Variants in TRABD2B observed in about 807,000 individuals in gnomAD.
TRABD2B encodes the protein metalloprotease TIKI2.
TRABD2B carries 14 observed loss-of-function variants against 40.1 expected under a neutral mutation model. That is an observed-to-expected ratio of 0.35 (90% CI 0.23 to 0.55). The LOEUF (loss-of-function observed/expected upper bound fraction) is 0.55. Ranked by LOEUF, TRABD2B falls within the 20% of genes least tolerant of loss-of-function variation. The pLI is 0.90. For synonymous variants in TRABD2B, 263 were observed against 277.0 expected (o/e 0.95, Z 0.50); for missense variants, 541 against 648.6 (o/e 0.83, Z 1.80).
intron 2 of TRABD2B, among the ~76,000 whole-genome samples, chr1:47,880,944 C>T (rs1304910100): frequency 1.3e-5 from 2 of 152,122 alleles, no homozygotes; most frequent in Admixed American, 6.5e-5. Context: ...AGCAATCCAG[C>T]GGGGAGGAGT....
Position 47,996,041 on chromosome 1 carries a change from A to G in TRABD2B, c.102+647T>C, listed in dbSNP as rs1646086132. Among the ~76,000 whole-genome samples, 1 of 152,246 alleles carries G rather than the reference A, an allele frequency of 6.6e-6. No individual in the cohort carries two copies. Among genetic ancestry groups the G allele is most frequent in the African/African-American group, 2.4e-5 (1 of 41,466 alleles). On this transcript the variant is annotated intron_variant, in intron 1 of 6. Coordinates refer to ENST00000606738, the MANE Select transcript of TRABD2B (RefSeq NM_001194986.2). This position sits in a 1 kb window ranked among gnomAD's most constrained non-coding sequence, Gnocchi z 4.6. ...TTTTGGAAGGAATATTAGGAGAACC[A>G]GTAATTACTCGACCCCAAGAAATAT... is the stretch of plus-strand genomic sequence containing the variant.
At chr1:47,847,055 G>A (rs1645482041) in intron 2 of TRABD2B, among the ~76,000 whole-genome samples, 1 of 152,134 alleles carries the variant, frequency 6.6e-6, no homozygotes, top group Admixed American at 6.5e-5. Flanking sequence ...CTCCCCACTG[G>A]AGCATCTGGA....
intron 2 of TRABD2B, among the ~76,000 whole-genome samples, chr1:47,820,777 ACACAC>A (rs1645096026): frequency 1.2e-5 from 1 of 81,664 alleles, no homozygotes; most frequent in East Asian, 3.4e-4. Context: ...AGAAGTTCAC[ACACAC>A]CACACACACA....
chr1:47,820,825 A>C (rs1028240598), intron 2 of TRABD2B, among the ~76,000 whole-genome samples: 11 of 144,440 alleles, frequency 7.6e-5, no homozygotes, highest in Admixed American at 5.7e-4. Flanking sequence ...CACACACAAA[A>C]TCTTACTTAC....
intron 2 of TRABD2B, among the ~76,000 whole-genome samples, chr1:47,983,835 C>T (rs1161184714): frequency 6.6e-6 from 1 of 151,254 alleles, no homozygotes; most frequent in Non-Finnish European, 1.5e-5. Flanking sequence ...GGAACGCGGT[C>T]GTGCATGTGA....
rs1645160433 is a variant in TRABD2B at position 47,825,316 on chromosome 1, C to T, written c.667-23697G>A. Among the ~76,000 whole-genome samples the T allele has an allele frequency of 2.0e-5, 3 of 152,344 alleles. 1 individual carries two copies. The highest frequency in any genetic ancestry group is 2.0e-4 in the Admixed American group (3 of 15,308). ...ACAAATCCAACAGCACTGCCTTGCT[C>T]CAAAGCCCCGTGTGGCTCCCACTGC... On this transcript the variant is annotated intron_variant, in intron 2 of 6. Coordinates refer to ENST00000606738, the MANE Select transcript of TRABD2B (RefSeq NM_001194986.2).
chr1:47,877,215 G>A (rs1644238360), intron 2 of TRABD2B, among the ~76,000 whole-genome samples: 1 of 151,766 alleles, frequency 6.6e-6, no homozygotes, highest in South Asian at 2.1e-4. Flanking sequence ...GCTGGGGGGT[G>A]GGCAGGTGAA....
chr1:47,848,633 C>A (rs1645504592), intron 2 of TRABD2B, among the ~76,000 whole-genome samples: 3 of 152,208 alleles, frequency 2.0e-5, no homozygotes, highest in African/African-American at 2.4e-5. Context: ...GCCCATGACA[C>A]AAACGAGGAA....
chr1:47,945,610 G>C (rs1645250058), intron 2 of TRABD2B, among the ~76,000 whole-genome samples: 1 of 152,064 alleles, frequency 6.6e-6, no homozygotes, highest in Non-Finnish European at 1.5e-5. Flanking sequence ...GACAATCACT[G>C]ATGTTTTCTG....
intron 2 of TRABD2B, among the ~76,000 whole-genome samples, chr1:47,840,143 G>A (rs1190176606): frequency 6.6e-6 from 1 of 152,144 alleles, no homozygotes; most frequent in Non-Finnish European, 1.5e-5. Context: ...ATGAGTCCTG[G>A]TCACTATCAC....
rs79015998 is a variant in TRABD2B, at chr1:47,837,477, C to A, written c.667-35858G>T. ...CAGTCTCCATTTCCTACTTCCCCATCTCCTACCAGATCTAATTTGACTTCC... is the reference window on the plus strand; with the variant it reads ...CAGTCTCCATTTCCTACTTCCCCATATCCTACCAGATCTAATTTGACTTCC... On this transcript the variant is annotated intron_variant, in intron 2 of 6. Transcript: ENST00000606738. 4.6e-3 allele frequency among the ~76,000 whole-genome samples: 696 copies of A among 152,300 alleles called. 7 individuals carry two copies. The highest frequency in any genetic ancestry group is 0.016 in the African/African-American group (680 of 41,538).
intron 2 of TRABD2B, among the ~76,000 whole-genome samples, chr1:47,834,313 A>G (rs1645289346): frequency 1.3e-5 from 2 of 152,192 alleles, no homozygotes; most frequent in South Asian, 4.1e-4. Context: ...ACTAACCAAA[A>G]AGCTTTAAAG....
At chr1:47,967,917 A>G (rs1301875294) in intron 2 of TRABD2B, among the ~76,000 whole-genome samples, 2 of 152,250 alleles carry the variant, frequency 1.3e-5, no homozygotes, top group Non-Finnish European at 1.5e-5. Context: ...TTTTATCCAG[A>G]TAATTCATTT....
intron 2 of TRABD2B, among the ~76,000 whole-genome samples, chr1:47,923,499 A>G (rs757754608): frequency 5.9e-5 from 9 of 152,172 alleles, no homozygotes; most frequent in Admixed American, 1.3e-4. Context: ...TTGGGAAAGG[A>G]TGGCTGAGAA....
intron 2 of TRABD2B, among the ~76,000 whole-genome samples, chr1:47,874,434 G>A (rs1378924802): frequency 3.3e-5 from 5 of 149,264 alleles, no homozygotes; most frequent in Admixed American, 6.7e-5. Context: ...CACCGCGCCC[G>A]GCTAATTTTT....
intron 2 of TRABD2B, among the ~76,000 whole-genome samples, chr1:47,962,582 T>C (rs1347431249): frequency 6.6e-6 from 1 of 152,190 alleles, no homozygotes; most frequent in Admixed American, 6.5e-5. Context: ...AATTAGTCCT[T>C]ACCACGTGCC....
chr1:47,846,286 G>C (rs1557609820), intron 2 of TRABD2B, among the ~76,000 whole-genome samples: 1 of 152,248 alleles, frequency 6.6e-6, no homozygotes, highest in Non-Finnish European at 1.5e-5. Flanking sequence ...GAATGGGAAA[G>C]AGGGATGCCA....
At chr1:47,776,263 G>A (rs1291148737) in intron 5 of TRABD2B, among the ~76,000 whole-genome samples, 1 of 152,188 alleles carries the variant, frequency 6.6e-6, no homozygotes, top group Non-Finnish European at 1.5e-5. Flanking sequence ...TAAGTAGTCA[G>A]AGCTGGAGGT....
At chr1:47,981,359 G>A (rs1436178297) in intron 2 of TRABD2B, among the ~76,000 whole-genome samples, 1 of 152,180 alleles carries the variant, frequency 6.6e-6, no homozygotes, top group Non-Finnish European at 1.5e-5. Context: ...GAGAACAGGG[G>A]TCTGCAGCCA....
Sources: gnomAD v4.1 joint callset for allele counts (sites outside exome capture counted in the v4.1 genomes callset) on GRCh38, gnomAD v4.1.1 for gene constraint, Gnocchi (gnomAD v3.1) non-coding constraint, MANE v1.5 for transcripts, NCBI Gene and HGNC (gene_info 2026-07-23, HGNC 2026-07-21) for gene names.